HSPG2: variants seen among roughly 807,000 people sequenced by gnomAD.
HSPG2 encodes basement membrane-specific heparan sulfate proteoglycan core protein.
HSPG2 carries 278 observed loss-of-function variants against 526.6 expected under a neutral mutation model. The ratio of observed to expected loss-of-function variants is 0.53; its 90% CI spans 0.48 to 0.58. The LOEUF is 0.58. Among genes scored for constraint, HSPG2 ranks in the 20% least tolerant of loss-of-function variants. The pLI is 0.00. For missense variants in HSPG2, 5,354 were observed against 6,099.5 expected (o/e 0.88, Z 4.07); for synonymous variants, 2,465 against 2,555.4 (o/e 0.96, Z 1.07).
chr1:21,852,096 G>T lies in HSPG2; in HGVS notation c.6862C>A (p.Arg2288=). 1 of 1,613,460 alleles carries T rather than the reference G, an allele frequency of 6.2e-7. No individual in the cohort carries two copies. The highest frequency in any genetic ancestry group is 8.5e-7 in the Non-Finnish European group (1 of 1,180,016). The change falls in exon 53 of 97, where the codon CGG becomes AGG. Residue 2288 remains arginine, a synonymous_variant. Coordinates refer to ENST00000374695, the MANE Select transcript of HSPG2 (RefSeq NM_005529.7). ...WYKRGGSLPA[R]HQVRGSRLYI... is the part of the protein sequence containing the mutation. ...TTCTTGGTGCCCTGTACCTGGTGCC[G>T]GGCAGGGAGGCTGCCCCCACGCTTG... is the stretch of plus-strand genomic sequence containing the variant.
chr1:21,841,651 A>G lies in HSPG2; in HGVS notation c.9216T>C (p.Asn3072=), dbSNP rs780068556. The G allele has an allele frequency of 7.4e-6, 12 of 1,614,008 alleles. No individual in the cohort carries two copies. Among genetic ancestry groups the G allele is most frequent in the Non-Finnish European group, 1.0e-5 (12 of 1,180,018 alleles). ...ELEDNVHISP[N]GSIITIVGTR... is the part of the protein sequence containing the mutation. ...TGCCCACGATGGTGATGATGGAGCC[A>G]TTGGGACTGATGTGGACGTTGTCTG... is the stretch of plus-strand genomic sequence containing the variant. Residue 3072 remains asparagine (N), a synonymous_variant, in exon 70 of 97, where the codon AAT becomes AAC. Transcript: ENST00000374695.
chr1:21,923,163 T>G (rs574867633), intron 1 of HSPG2, among the ~76,000 whole-genome samples: 1 of 152,220 alleles, frequency 6.6e-6, no homozygotes, highest in East Asian at 1.9e-4. Flanking sequence ...TCCCAGCACT[T>G]TGGGAGGCCA....
At position 21,856,940 on chromosome 1, in the gene HSPG2, A is replaced by C. The variant is rs762868341; in HGVS notation, c.5575+75T>G. ...TGCTCAGAAATGATCAGCAGAATGA[A>C]GAAATGCTGTGCTAATTCTGGTGGG... On this transcript the variant is annotated intron_variant, in intron 44 of 96. Transcript: ENST00000374695. The C allele has an allele frequency of 3.4e-6, 5 of 1,460,188 alleles. No individual in the cohort carries two copies. The Admixed American group carries it at 5.0e-5, about 15-fold the overall frequency. The allele number at this position is 1,460,188 out of a possible 1,614,324, so 90.5% of individuals were successfully genotyped here.
At chr1:21,910,946 G>A (rs145715980) in intron 1 of HSPG2, among the ~76,000 whole-genome samples, 9 of 152,272 alleles carry the variant, frequency 5.9e-5, no homozygotes, top group African/African-American at 1.7e-4. Flanking sequence ...GCCTGAGGTC[G>A]CAAATGGCCA....
At chr1:21,856,349 G>A (rs79050765) in intron 44 of HSPG2, among the ~76,000 whole-genome samples, 8,204 of 152,214 alleles carry the variant, frequency 0.054, 270 homozygotes, top group South Asian at 0.092. Flanking sequence ...CAGCTTAGGT[G>A]TCACCTCCTC....
In HSPG2 at chr1:21,848,700, C is replaced by T. The variant is rs1427190734; in HGVS notation, c.7680G>A (p.Gln2560=). Residue 2560 remains glutamine, a synonymous_variant, in exon 59 of 97, where the codon CAG becomes CAA. Coordinates refer to ENST00000374695, the MANE Select transcript of HSPG2 (RefSeq NM_005529.7). The surrounding 1 kb of genome is among the most constrained non-coding windows in gnomAD (Gnocchi z 4.9). ...TLDLNCLVAS[Q]APHTITWYKR... The stretch of plus-strand genomic sequence containing the variant: ...TATACCAGGTGATGGTGTGGGGAGC[C>T]TGGCTGGCAACCAGGCAGTTGAGGT... 6.2e-7 allele frequency: 1 copy of T among 1,613,938 alleles called. No individual in the cohort carries two copies. Among genetic ancestry groups the T allele is most frequent in the South Asian group, 1.1e-5 (1 of 91,066 alleles).
At position 21,828,125 on chromosome 1, in the gene HSPG2, G is replaced by A. The variant is rs758967071; in HGVS notation, c.12437C>T (p.Pro4146Leu). 1.2e-6 allele frequency: 2 copies of A among 1,613,154 alleles called. No homozygotes were observed. Among genetic ancestry groups the A allele is most frequent in the South Asian group, 2.2e-5 (2 of 91,066 alleles). The change falls in exon 90 of 97, where the codon CCC becomes CTC. Residue 4146 changes from proline to leucine, a missense_variant. Pro to Leu is a moderately conservative substitution (Grantham distance 98). Transcript: ENST00000374695. This position sits in a 1 kb window ranked among gnomAD's most constrained non-coding sequence, Gnocchi z 6.0. Reference protein sequence around the residue: ...KGDLCEHEENPCQLREPCLHG... With the variant: ...KGDLCEHEENLCQLREPCLHG... Reference sequence around the variant, plus strand: ...CAGACAGGGTTCACGGAGCTGGCAGGGGTTCTCCTCGTGCTCACACAGGTC... The same window carrying A: ...CAGACAGGGTTCACGGAGCTGGCAGAGGTTCTCCTCGTGCTCACACAGGTC...
intron 55 of HSPG2, among the ~76,000 whole-genome samples, chr1:21,851,117 C>T (rs1217452321): frequency 7.9e-5 from 12 of 151,968 alleles, no homozygotes; most frequent in Non-Finnish European, 1.3e-4. Context: ...GGATTACAGG[C>T]GCCTGCCACT....
Position 21,876,527 on chromosome 1 carries a change from T to C in HSPG2, c.2811A>G (p.Ser937=), listed in dbSNP as rs369737827. 1.2e-6 allele frequency: 2 copies of C among 1,614,032 alleles called. No homozygotes were observed. The highest frequency in any genetic ancestry group is 2.7e-5 in the African/African-American group (2 of 74,924). ...GCAGAGGTACCTGGGCACGGCTCCA[T>C]GAAGAGCTGGTGCAGTGGCGACTGA... The part of the protein sequence containing the change: ...MGVSRHCTSS[S]WSRAQLHGAS... Residue 937 remains serine, a synonymous_variant, in exon 22 of 97, where the codon TCA becomes TCG. Transcript: ENST00000374695.
In HSPG2 at chr1:21,872,100, T is replaced by A; in HGVS notation, c.4221+86A>T. Reference sequence around the variant, plus strand: ...CCTAACCACGATATGGCCATGCAGGTGGCAGGTGCCTGCCTGCTGAGAGAC... The same window carrying A: ...CCTAACCACGATATGGCCATGCAGGAGGCAGGTGCCTGCCTGCTGAGAGAC... On this transcript the variant is annotated intron_variant, in intron 33 of 96. Transcript: ENST00000374695. The surrounding 1 kb of genome is among the most constrained non-coding windows in gnomAD (Gnocchi z 5.5). 1 of 1,412,418 alleles carries A rather than the reference T, an allele frequency of 7.1e-7. No individual in the cohort carries two copies. The highest frequency in any genetic ancestry group is 1.2e-5 in the South Asian group (1 of 80,760). 87.5% of individuals were successfully genotyped at this position (1,412,418 alleles called of 1,614,324 possible).
At chr1:21,874,558 G>C (rs561120543) in intron 27 of HSPG2, 25 bp from the exon 28 acceptor site, 3 of 1,613,756 alleles carry the variant, frequency 1.9e-6, no homozygotes, top group Non-Finnish European at 2.5e-6. Flanking sequence ...TGTGAGTTGA[G>C]GCTGGGCCTC....
intron 14 of HSPG2, 28 bp from the exon 15 acceptor site, chr1:21,880,863 G>T: frequency 6.4e-7 from 1 of 1,568,058 alleles, no homozygotes. Context: ...ATCAGCACGG[G>T]CAGCTGTGGG....
intron 1 of HSPG2, among the ~76,000 whole-genome samples, chr1:21,924,702 C>T (rs898685150): frequency 6.6e-6 from 1 of 152,014 alleles, no homozygotes; most frequent in African/African-American, 2.4e-5. Flanking sequence ...CCTCAGCTAT[C>T]TTGGGGACTT....
chr1:21,832,109 C>T (rs553435451), intron 81 of HSPG2, among the ~76,000 whole-genome samples: 3 of 152,166 alleles, frequency 2.0e-5, no homozygotes, highest in Non-Finnish European at 4.4e-5. Context: ...CTGTGATCAC[C>T]TTGTTTCTCT....
chr1:21,848,863 C>T lies in HSPG2; in HGVS notation c.7585+30G>A. On this transcript the variant is annotated intron_variant, in intron 58 of 96. Transcript: ENST00000374695. The surrounding 1 kb of genome is among the most constrained non-coding windows in gnomAD (Gnocchi z 4.9). ...GTGCAGTCGGGGTCCCCCAGCCCTCCACCATTTGCATGACCCCCGAGACAC... is the reference window on the plus strand; with the variant it reads ...GTGCAGTCGGGGTCCCCCAGCCCTCTACCATTTGCATGACCCCCGAGACAC... 1 of 1,612,256 alleles carries T rather than the reference C, an allele frequency of 6.2e-7. No homozygotes were observed. Among genetic ancestry groups the T allele is most frequent in the Non-Finnish European group, 8.5e-7 (1 of 1,179,618 alleles).
At position 21,831,548 on chromosome 1, in the gene HSPG2, G is replaced by A. The variant is rs143813500; in HGVS notation, c.11367C>T (p.Gly3789=). 3.0e-4 allele frequency: 480 copies of A among 1,613,998 alleles called. No individual in the cohort carries two copies. Among genetic ancestry groups the A allele is most frequent in the Non-Finnish European group, 3.6e-4 (429 of 1,179,986 alleles). The change falls in exon 83 of 97, where the codon GGC becomes GGT. Residue 3789 remains glycine, a synonymous_variant. Transcript: ENST00000374695. ...VNGTSQGKFQ[G]LDLNEELYLG... ...GGTAGAGTTCCTCGTTCAGATCCAG[G>A]CCCTGGAACTTGCCCTGGGGAGGTG...
At chr1:21,927,705 C>G (rs1374727064) in intron 1 of HSPG2, among the ~76,000 whole-genome samples, 3 of 152,212 alleles carry the variant, frequency 2.0e-5, no homozygotes, top group Admixed American at 1.3e-4. Context: ...GTGTGCCCCC[C>G]TCCTTCTCCC....
chr1:21,913,510 C>T (rs2152790138), intron 1 of HSPG2, among the ~76,000 whole-genome samples: 1 of 152,334 alleles, frequency 6.6e-6, no homozygotes, highest in Admixed American at 6.5e-5. Context: ...TGCCCTCAGA[C>T]AGCCCACGGA....
rs377236942 is a variant in HSPG2, at chr1:21,872,790, G to A, written c.3889-30C>T. On this transcript the variant is annotated intron_variant, in intron 31 of 96. Coordinates refer to ENST00000374695, the MANE Select transcript of HSPG2 (RefSeq NM_005529.7). This position sits in a 1 kb window ranked among gnomAD's most constrained non-coding sequence, Gnocchi z 5.5. ...GTAGACGGATGGAAGGAGGCAGGCA[G>A]GGGACTCAGTGGGTCTCCTGCACCC... 5.0e-6 allele frequency: 8 copies of A among 1,603,398 alleles called. No individual in the cohort carries two copies. In the African/African-American group the frequency reaches 6.7e-5, roughly 13 times the overall value.
Sources: allele counts gnomAD v4.1 joint callset (sites outside exome capture counted in the v4.1 genomes callset), GRCh38; gene constraint gnomAD v4.1.1; non-coding constraint Gnocchi (gnomAD v3.1); transcripts MANE v1.5; gene names NCBI Gene and HGNC (gene_info 2026-07-23, HGNC 2026-07-21).